Variants in DAB1 observed in about 807,000 individuals in gnomAD.
DAB1 encodes disabled homolog 1.
In DAB1, 15 loss-of-function variants were observed where a neutral mutation model predicts 64.6. That is an observed-to-expected ratio of 0.23 (90% CI 0.16 to 0.36). The LOEUF (loss-of-function observed/expected upper bound fraction) is 0.36. Ranked by LOEUF, DAB1 falls within the 10% of genes least tolerant of loss-of-function variation. The probability of loss-of-function intolerance (pLI) is 1.00; values close to 1 mark genes in which losing one functional copy is unlikely to be tolerated. For synonymous variants in DAB1, 235 were observed against 251.9 expected (o/e 0.93, Z 0.64); for missense variants, 596 against 706.7 (o/e 0.84, Z 1.78).
intron 1 of DAB1, among the ~76,000 whole-genome samples, chr1:57,847,372 T>A (rs1244635508): frequency 1.3e-5 from 2 of 151,042 alleles, no homozygotes; most frequent in African/African-American, 4.9e-5. Flanking sequence ...AGAGAAAGCA[T>A]AAAACAAAAA....
chr1:57,322,183 C>A (rs1675779215), intron 1 of DAB1, among the ~76,000 whole-genome samples: 2 of 152,156 alleles, frequency 1.3e-5, no homozygotes, highest in South Asian at 4.1e-4. Context: ...AATATACCTC[C>A]CTCCCATGAC....
chr1:57,170,988 C>T (rs1661697536), intron 2 of DAB1, among the ~76,000 whole-genome samples: 1 of 152,210 alleles, frequency 6.6e-6, no homozygotes, highest in East Asian at 1.9e-4. Context: ...ATCCCAGGTC[C>T]TTAGATCAAG....
intron 4 of DAB1, among the ~76,000 whole-genome samples, chr1:58,285,085 G>A (rs1661652543): frequency 6.6e-6 from 1 of 152,182 alleles, no homozygotes; most frequent in Non-Finnish European, 1.5e-5. Context: ...TGCAGAAAAA[G>A]CCTTCGATAA....
In DAB1 at chr1:57,509,043, A is replaced by G. The variant is rs1353681558; in HGVS notation, n.625+140549T>C. 2.0e-5 allele frequency among the ~76,000 whole-genome samples: 3 copies of G among 152,012 alleles called. No homozygotes were observed. The East Asian group carries it at 5.8e-4, about 29-fold the overall frequency. Reference sequence around the variant, plus strand: ...ATATATAAAATATATTTGTATGTGTATATACATATACAAAATACATTTCTA... The same window carrying G: ...ATATATAAAATATATTTGTATGTGTGTATACATATACAAAATACATTTCTA... On this transcript the variant is annotated intron_variant and non_coding_transcript_variant, in intron 7 of 20. Coordinates refer to the DAB1 transcript ENST00000485760.
At chr1:57,695,380 GAAAGA>G in intron 6 of DAB1, among the ~76,000 whole-genome samples, 1 of 70,092 alleles carries the variant, frequency 1.4e-5, no homozygotes, top group Non-Finnish European at 2.9e-5. Flanking sequence ...AAGAAAGAAA[GAAAGA>G]AAGAAAGAAA....
intron 1 of DAB1, among the ~76,000 whole-genome samples, chr1:57,370,615 GA>G (rs5774340): frequency 0.45 from 63,684 of 142,596 alleles, 14,146 homozygotes; most frequent in Non-Finnish European, 0.49. Context: ...GACAAACAGA[GA>G]AAAAAAAAAA....
At chr1:57,848,268 A>G (rs2101924336) in intron 1 of DAB1, among the ~76,000 whole-genome samples, 1 of 152,374 alleles carries the variant, frequency 6.6e-6, no homozygotes, top group Middle Eastern at 3.4e-3. Flanking sequence ...GAATCTAGAC[A>G]CTAATGATAT....
At chr1:57,601,731 A>G (rs764786403) in intron 7 of DAB1, among the ~76,000 whole-genome samples, 15 of 152,216 alleles carry the variant, frequency 9.9e-5, no homozygotes, top group Non-Finnish European at 2.2e-4. Context: ...TCACCATGAG[A>G]CCAAGTTAAT....
chr1:57,361,320 A>T lies in DAB1; in HGVS notation c.-137+62610T>A, dbSNP rs189421092. Reference sequence around the variant, plus strand: ...AAAGAGATGAAGCTGAAAATGAGAAAGAGCATGGACGTGGAATCAGATAAC... The same window carrying T: ...AAAGAGATGAAGCTGAAAATGAGAATGAGCATGGACGTGGAATCAGATAAC... On this transcript the variant is annotated intron_variant, in intron 1 of 14. Coordinates refer to ENST00000371236, the MANE Select transcript of DAB1 (RefSeq NM_001365792.1). Among the ~76,000 whole-genome samples, 9 of 152,284 alleles carry T rather than the reference A, an allele frequency of 5.9e-5. No individual in the cohort carries two copies. In the East Asian group the frequency reaches 1.7e-3, roughly 29 times the overall value.
At chr1:58,502,740 T>C (rs1295130664) in intron 3 of DAB1, among the ~76,000 whole-genome samples, 1 of 152,224 alleles carries the variant, frequency 6.6e-6, no homozygotes, top group African/African-American at 2.4e-5. Context: ...GAGTTATGAC[T>C]GTATATTCTA....
At chr1:58,521,103 C>T (rs1646255093) in intron 2 of DAB1, among the ~76,000 whole-genome samples, 1 of 152,116 alleles carries the variant, frequency 6.6e-6, no homozygotes. Context: ...ATTATCCAAT[C>T]AGAGTGTAAC....
intron 6 of DAB1, among the ~76,000 whole-genome samples, chr1:57,653,534 A>G (rs1646280648): frequency 6.6e-6 from 1 of 152,140 alleles, no homozygotes; most frequent in Non-Finnish European, 1.5e-5. Context: ...TGGACAATGT[A>G]TACTCCTTGG....
At chr1:58,414,815 C>A (rs1644702956) in intron 3 of DAB1, among the ~76,000 whole-genome samples, 1 of 151,728 alleles carries the variant, frequency 6.6e-6, no homozygotes, top group Non-Finnish European at 1.5e-5. Context: ...TCTTTTAATT[C>A]TAAGCTTACT....
At chr1:57,084,840 T>C (rs1018920764) in intron 4 of DAB1, among the ~76,000 whole-genome samples, 5 of 152,226 alleles carry the variant, frequency 3.3e-5, no homozygotes, top group African/African-American at 4.8e-5. Context: ...TTTAGTGCTG[T>C]GCAGCAGTCC....
chr1:57,325,849 G>A (rs934962668), intron 1 of DAB1, among the ~76,000 whole-genome samples: 1 of 152,154 alleles, frequency 6.6e-6, no homozygotes, highest in Non-Finnish European at 1.5e-5. Context: ...AGAACTGATT[G>A]TATCTCATCA....
rs985382609 is a variant in DAB1, at chr1:57,580,686, G to A, written n.625+68906C>T. 1.3e-5 allele frequency among the ~76,000 whole-genome samples: 2 copies of A among 152,092 alleles called. 1 individual carries two copies. Among genetic ancestry groups the A allele is most frequent in the African/African-American group, 4.8e-5 (2 of 41,392 alleles). On this transcript the variant is annotated intron_variant and non_coding_transcript_variant, in intron 7 of 20. Transcript: ENST00000485760. ...TACAGGGACTTAGCCATGGAATTTGGACTAATGATAATTATAATAATTGCA... is the reference window on the plus strand; with the variant it reads ...TACAGGGACTTAGCCATGGAATTTGAACTAATGATAATTATAATAATTGCA...
At chr1:57,337,466 C>G (rs916420626) in intron 1 of DAB1, among the ~76,000 whole-genome samples, 2 of 152,160 alleles carry the variant, frequency 1.3e-5, no homozygotes, top group Admixed American at 6.5e-5. Flanking sequence ...TCCTTGGAGC[C>G]TTTGCTCAAA....
chr1:57,900,989 T>G (rs941249560), intron 5 of DAB1, among the ~76,000 whole-genome samples: 2 of 152,106 alleles, frequency 1.3e-5, no homozygotes, highest in African/African-American at 4.8e-5. Flanking sequence ...AAATAATGTA[T>G]GGTGCAAGAA....
chr1:58,108,094 T>C (rs2100646020), intron 5 of DAB1, among the ~76,000 whole-genome samples: 1 of 152,268 alleles, frequency 6.6e-6, no homozygotes, highest in African/African-American at 2.4e-5. Flanking sequence ...ACAGCACTGG[T>C]GAGAAATTGA....
Sources: gnomAD v4.1 joint callset for allele counts (sites outside exome capture counted in the v4.1 genomes callset) on GRCh38, gnomAD v4.1.1 for gene constraint, MANE v1.5 for transcripts, NCBI Gene and HGNC (gene_info 2026-07-23, HGNC 2026-07-21) for gene names.